L3MBTL4: variants seen among roughly 807,000 people sequenced by gnomAD.
L3MBTL4 encodes lethal(3)malignant brain tumor-like protein 4.
Under a neutral mutation model 84.5 loss-of-function variants are expected in L3MBTL4, and 70 were observed. That is an observed-to-expected ratio of 0.83 (90% CI 0.68 to 1.01). The LOEUF is 1.01. Ranked by LOEUF, L3MBTL4 falls within the 50% of genes least tolerant of loss-of-function variation. The pLI is 0.00. For missense variants in L3MBTL4, 715 were observed against 754.8 expected (o/e 0.95, Z 0.62); for synonymous variants, 274 against 259.8 (o/e 1.05, Z -0.52).
intron 16 of L3MBTL4, among the ~76,000 whole-genome samples, chr18:6,037,232 C>T (rs1185298802): frequency 1.3e-5 from 2 of 152,166 alleles, no homozygotes; most frequent in African/African-American, 2.4e-5. Context: ...TACCTGCCTG[C>T]CACAGGGGTG....
At chr18:6,077,528 G>T (rs1301894529) in intron 16 of L3MBTL4, among the ~76,000 whole-genome samples, 2 of 151,994 alleles carry the variant, frequency 1.3e-5, no homozygotes, top group Non-Finnish European at 2.9e-5. Context: ...TATTATATAT[G>T]CCAAGCATAC....
intron 16 of L3MBTL4, chr18:6,029,899 A>G (rs2055701148): frequency 2.0e-6 from 2 of 985,320 alleles, no homozygotes; most frequent in East Asian, 2.3e-4. Context: ...TCTCACAAGC[A>G]TGAGTGATGA....
chr18:6,357,706 T>A (rs1355978901), intron 1 of L3MBTL4, among the ~76,000 whole-genome samples: 1 of 152,150 alleles, frequency 6.6e-6, no homozygotes, highest in East Asian at 1.9e-4. Flanking sequence ...TTGAGAAAAT[T>A]CAAACCATAT....
intron 16 of L3MBTL4, among the ~76,000 whole-genome samples, chr18:6,065,233 A>T (rs2057361755): frequency 6.6e-6 from 1 of 151,630 alleles, no homozygotes; most frequent in Non-Finnish European, 1.5e-5. Context: ...TTATTTTTTG[A>T]TGTGCTGTTG....
chr18:6,143,214 G>A (rs1279140167), intron 13 of L3MBTL4, among the ~76,000 whole-genome samples: 2 of 152,088 alleles, frequency 1.3e-5, no homozygotes, highest in Non-Finnish European at 2.9e-5. Context: ...TTAAACTGAT[G>A]TTTTTAATAT....
chr18:6,187,471 C>T (rs2044831098), intron 12 of L3MBTL4, among the ~76,000 whole-genome samples: 2 of 152,036 alleles, frequency 1.3e-5, no homozygotes, highest in Admixed American at 6.6e-5. Flanking sequence ...ATGAAGTGTG[C>T]TGGGTCATTA....
intron 1 of L3MBTL4, among the ~76,000 whole-genome samples, chr18:6,321,869 G>A (rs2051422144): frequency 6.6e-6 from 1 of 152,070 alleles, no homozygotes; most frequent in South Asian, 2.1e-4. Flanking sequence ...CATACTCTGT[G>A]GTATAATGAC....
chr18:6,055,065 G>A (rs937241921), intron 16 of L3MBTL4, among the ~76,000 whole-genome samples: 2 of 152,164 alleles, frequency 1.3e-5, no homozygotes, highest in Non-Finnish European at 2.9e-5. Context: ...ATACCTTAGC[G>A]CTGTCCATTT....
intron 10 of L3MBTL4, among the ~76,000 whole-genome samples, chr18:6,228,898 A>T (rs1006732830): frequency 6.6e-6 from 1 of 152,150 alleles, no homozygotes; most frequent in Non-Finnish European, 1.5e-5. Context: ...CTGAGGGGAA[A>T]ATATTTTTAA....
intron 18 of L3MBTL4, among the ~76,000 whole-genome samples, chr18:5,956,588 T>C (rs977692654): frequency 1.3e-5 from 2 of 152,162 alleles, no homozygotes; most frequent in Non-Finnish European, 2.9e-5. Context: ...TCTAGAACTT[T>C]GAAGTTAAAT....
intron 16 of L3MBTL4, among the ~76,000 whole-genome samples, chr18:6,078,981 C>T (rs912821340): frequency 6.6e-6 from 1 of 152,106 alleles, no homozygotes; most frequent in Non-Finnish European, 1.5e-5. Flanking sequence ...TGTTCGTGCT[C>T]CTATGAGGAT....
At chr18:6,231,471 G>A (rs1433110311) in intron 10 of L3MBTL4, among the ~76,000 whole-genome samples, 1 of 152,094 alleles carries the variant, frequency 6.6e-6, no homozygotes. Flanking sequence ...TGCTGTTTTG[G>A]TTACAGTAGA....
At chr18:6,339,294 A>C (rs534973101) in intron 1 of L3MBTL4, among the ~76,000 whole-genome samples, 1 of 152,248 alleles carries the variant, frequency 6.6e-6, no homozygotes. Flanking sequence ...TAGTCACTCA[A>C]AAAATATTAT....
chr18:6,220,760 A>G (rs535909355), intron 10 of L3MBTL4, among the ~76,000 whole-genome samples: 11 of 152,346 alleles, frequency 7.2e-5, no homozygotes, highest in Non-Finnish European at 1.6e-4. Context: ...ATATTTCCTG[A>G]AACATTTACA....
Position 6,032,266 on chromosome 18 carries a change from C to T in L3MBTL4, c.1444+48615G>A, listed in dbSNP as rs189057702. ...TGCTGGGATTACAGGCATGAGCCACCGCACTCGGCCTTAAATTAAAAAAAA... is the reference window on the plus strand; with the variant it reads ...TGCTGGGATTACAGGCATGAGCCACTGCACTCGGCCTTAAATTAAAAAAAA... On this transcript the variant is annotated intron_variant, in intron 16 of 18. Transcript: ENST00000317931. The T allele has an allele frequency of 7.8e-4, 752 of 961,744 alleles. 1 individual carries two copies. Among genetic ancestry groups the T allele is most frequent in the Non-Finnish European group, 8.9e-4 (719 of 812,002 alleles). 59.6% of individuals were successfully genotyped at this position (961,744 alleles called of 1,614,324 possible). A position where few individuals can be genotyped will look rare whatever the true frequency, so the allele number is the denominator to read the frequency against.
chr18:5,998,400 G>A (rs2054071946), intron 16 of L3MBTL4, among the ~76,000 whole-genome samples: 1 of 152,194 alleles, frequency 6.6e-6, no homozygotes, highest in African/African-American at 2.4e-5. Flanking sequence ...GGTGGAAGAA[G>A]CCTGGTCTGT....
intron 13 of L3MBTL4, among the ~76,000 whole-genome samples, chr18:6,162,198 A>C (rs561779071): frequency 8.1e-4 from 123 of 152,224 alleles, no homozygotes; most frequent in Admixed American, 1.2e-3. Context: ...AAATCCACTA[A>C]AGTAAATCAA....
At chr18:6,227,321 A>G (rs1416213635) in intron 10 of L3MBTL4, among the ~76,000 whole-genome samples, 1 of 152,208 alleles carries the variant, frequency 6.6e-6, no homozygotes, top group Non-Finnish European at 1.5e-5. Flanking sequence ...TCCACCCAAC[A>G]ACAGCAAAAT....
At chr18:6,145,856 T>C (rs542787297) in intron 13 of L3MBTL4, among the ~76,000 whole-genome samples, 2 of 152,304 alleles carry the variant, frequency 1.3e-5, no homozygotes, top group South Asian at 4.1e-4. Flanking sequence ...CCCGGGAGCT[T>C]ACCTTCTGGT....
Sources: allele counts gnomAD v4.1 joint callset (sites outside exome capture counted in the v4.1 genomes callset), GRCh38; gene constraint gnomAD v4.1.1; transcripts MANE v1.5; gene names NCBI Gene and HGNC (gene_info 2026-07-23, HGNC 2026-07-21).